The following ESR1 variants were observed in gnomAD, a reference collection of about 807,000 sequenced individuals.
The protein encoded by ESR1 is estrogen receptor.
Under a neutral mutation model 52.7 loss-of-function variants are expected in ESR1, and 12 were observed. The ratio of observed to expected loss-of-function variants is 0.23; its 90% CI spans 0.15 to 0.37. The LOEUF (loss-of-function observed/expected upper bound fraction) is 0.37. Among genes scored for constraint, ESR1 ranks in the 10% least tolerant of loss-of-function variants. The pLI is 1.00. For synonymous variants in ESR1, 305 were observed against 316.8 expected (o/e 0.96, Z 0.39); for missense variants, 584 against 779.7 (o/e 0.75, Z 2.99).
intron 4 of ESR1, among the ~76,000 whole-genome samples, chr6:151,969,149 A>G (rs1025238929): frequency 1.1e-4 from 16 of 152,180 alleles, no homozygotes; most frequent in African/African-American, 3.9e-4. Context: ...TCTGGCTTCC[A>G]GGAAGAACCT....
chr6:151,788,924 G>A (rs1372639849), intron 2 of ESR1, among the ~76,000 whole-genome samples: 2 of 152,176 alleles, frequency 1.3e-5, no homozygotes, highest in Non-Finnish European at 2.9e-5. Context: ...GACACATAGA[G>A]AGGAATAACA....
intron 2 of ESR1, among the ~76,000 whole-genome samples, chr6:151,759,413 C>A (rs1031354353): frequency 1.3e-5 from 2 of 151,810 alleles, no homozygotes; most frequent in Admixed American, 1.3e-4. Flanking sequence ...ATACTTAATG[C>A]TAGATGACGA....
intron 5 of ESR1, among the ~76,000 whole-genome samples, chr6:152,022,990 AAG>A (rs2043814706): frequency 6.6e-6 from 1 of 151,698 alleles, no homozygotes; most frequent in Non-Finnish European, 1.5e-5. Flanking sequence ...AAAAAAAAAA[AAG>A]AGAGAAAAAG....
chr6:151,751,128 G>C (rs944314547), intron 2 of ESR1, among the ~76,000 whole-genome samples: 1 of 152,154 alleles, frequency 6.6e-6, no homozygotes, highest in African/African-American at 2.4e-5. Context: ...GGCTGAGCCT[G>C]ACTTTGCCAT....
intron 7 of ESR1, among the ~76,000 whole-genome samples, chr6:152,096,385 C>T (rs2050610642): frequency 6.6e-6 from 1 of 152,184 alleles, no homozygotes. Flanking sequence ...AAGAAGTTTG[C>T]TCCATTAAAC....
intron 5 of ESR1, among the ~76,000 whole-genome samples, chr6:152,038,278 A>G (rs2128887799): frequency 6.6e-6 from 1 of 152,342 alleles, no homozygotes; most frequent in Admixed American, 6.5e-5. Flanking sequence ...CGCTGGCATG[A>G]TGATGACATG....
At chr6:151,786,496 CA>C (rs889873825) in intron 2 of ESR1, among the ~76,000 whole-genome samples, 2 of 152,176 alleles carry the variant, frequency 1.3e-5, no homozygotes, top group African/African-American at 4.8e-5. Context: ...ATGAAACAAA[CA>C]TGCCATTTTC....
intron 2 of ESR1, among the ~76,000 whole-genome samples, chr6:151,878,887 G>A (rs1792303317): frequency 6.6e-6 from 1 of 152,142 alleles, no homozygotes; most frequent in Non-Finnish European, 1.5e-5. Context: ...AGGGATAAAG[G>A]GATGGAGGTG....
At chr6:151,735,844 T>C (rs887041226) in intron 2 of ESR1, among the ~76,000 whole-genome samples, 1 of 152,126 alleles carries the variant, frequency 6.6e-6, no homozygotes, top group South Asian at 2.1e-4. Flanking sequence ...TGGGAGGTGA[T>C]TGGATCATGG....
chr6:151,733,572 C>T (rs1782418373), intron 2 of ESR1, among the ~76,000 whole-genome samples: 1 of 152,158 alleles, frequency 6.6e-6, no homozygotes, highest in South Asian at 2.1e-4. Context: ...ATTTAATTCT[C>T]ACAACAATCT....
chr6:151,700,663 C>CT (rs1779700575), intron 1 of ESR1, among the ~76,000 whole-genome samples: 1 of 130,280 alleles, frequency 7.7e-6, no homozygotes, highest in African/African-American at 3.0e-5. Context: ...CAATGTTAAA[C>CT]TTTCCTTTTT....
chr6:151,918,596 G>A (rs1443061611), intron 3 of ESR1, among the ~76,000 whole-genome samples: 4 of 152,192 alleles, frequency 2.6e-5, no homozygotes, highest in African/African-American at 9.7e-5. Flanking sequence ...GTGGATGAGA[G>A]GGAAGGACAG....
At chr6:151,944,922 A>G (rs9340904) in intron 4 of ESR1, among the ~76,000 whole-genome samples, 2,931 of 152,320 alleles carry the variant, frequency 0.019, 96 homozygotes, top group African/African-American at 0.067. Flanking sequence ...TTTATCTTAA[A>G]AAGATTTTTA....
intron 1 of ESR1, among the ~76,000 whole-genome samples, chr6:151,694,358 C>T (rs1339917259): frequency 6.6e-6 from 1 of 152,204 alleles, no homozygotes; most frequent in Non-Finnish European, 1.5e-5. Context: ...TAACATTACA[C>T]CCTCTCTTAG....
At chr6:151,666,294 G>A (rs929938877) in intron 1 of ESR1, among the ~76,000 whole-genome samples, 2 of 152,204 alleles carry the variant, frequency 1.3e-5, no homozygotes, top group African/African-American at 2.4e-5. Flanking sequence ...TGTGGTTGGT[G>A]TGGAGAGAGA....
rs369523410 is a variant in ESR1, at chr6:151,957,580, AC to A, written c.1096+13076del. 3.5e-3 allele frequency among the ~76,000 whole-genome samples: 525 copies of A among 152,132 alleles called. 11 individuals are homozygous for A. The South Asian group carries it at 0.044, about 13-fold the overall frequency. On this transcript the variant is annotated intron_variant, in intron 4 of 7. Transcript: ENST00000206249. The stretch of plus-strand genomic sequence containing the variant: ...TAAGAAAAAAAAATTCTAGGTATTG[AC>A]CCCTGCCAGTTTTCGGAGTTAATAC...
intron 4 of ESR1, among the ~76,000 whole-genome samples, chr6:152,001,949 C>A (rs1409423673): frequency 6.6e-6 from 1 of 152,008 alleles, no homozygotes; most frequent in Non-Finnish European, 1.5e-5. Flanking sequence ...GCTGGGCCCA[C>A]TCCTTCTGTA....
upstream of ESR1, among the ~76,000 whole-genome samples, chr6:151,806,914 T>A (rs1235460550): frequency 6.6e-6 from 1 of 152,158 alleles, no homozygotes; most frequent in South Asian, 2.1e-4. Context: ...TTTTTCTGAA[T>A]CATCCTTCAC....
chr6:151,852,594 C>T (rs901738840), intron 2 of ESR1, among the ~76,000 whole-genome samples: 11 of 145,984 alleles, frequency 7.5e-5, no homozygotes, highest in Non-Finnish European at 1.5e-5. Flanking sequence ...ACTGCAGAAA[C>T]AAATATAAGC....
Sources: gnomAD v4.1 joint callset for allele counts (sites outside exome capture counted in the v4.1 genomes callset) on GRCh38, gnomAD v4.1.1 for gene constraint, MANE v1.5 for transcripts, NCBI Gene and HGNC (gene_info 2026-07-23, HGNC 2026-07-21) for gene names.